Variants in DAGLA observed in about 807,000 individuals in gnomAD.
DAGLA encodes diacylglycerol lipase alpha.
DAGLA carries 22 observed loss-of-function variants against 102.6 expected under a neutral mutation model. The observed-to-expected ratio is 0.21, with a 90% CI of 0.15 to 0.31. The LOEUF is 0.31. Ranked by LOEUF, DAGLA falls within the 10% of genes least tolerant of loss-of-function variation. The probability of loss-of-function intolerance (pLI) is 1.00; values close to 1 mark genes in which losing one functional copy is unlikely to be tolerated. For missense variants in DAGLA, 927 were observed against 1,446.6 expected, an observed-to-expected ratio of 0.64 and a Z score of 5.83; for synonymous variants, 578 against 628.9, an observed-to-expected ratio of 0.92 and a Z score of 1.21.
chr11:61,696,818 G>A (rs1208301014), intron 1 of DAGLA, among the ~76,000 whole-genome samples: 1 of 152,200 alleles, frequency 6.6e-6, no homozygotes, highest in Non-Finnish European at 1.5e-5. Context: ...GTAGGGGGCT[G>A]GGGGAGGACT....
chr11:61,725,020 A>G (rs913290587), intron 5 of DAGLA, among the ~76,000 whole-genome samples: 1 of 152,088 alleles, frequency 6.6e-6, no homozygotes, highest in Non-Finnish European at 1.5e-5. Context: ...GGAGGAGCCA[A>G]GAGGCTCAAA....
At chr11:61,683,285 C>T (rs2064959755) in intron 1 of DAGLA, among the ~76,000 whole-genome samples, 1 of 152,190 alleles carries the variant, frequency 6.6e-6, no homozygotes, top group South Asian at 2.1e-4. Flanking sequence ...CTGACTTTTC[C>T]ATGCTATGGA....
intron 3 of DAGLA, among the ~76,000 whole-genome samples, chr11:61,721,117 T>TATTAAATAAGGTTATTAAATAA (rs2065278607): frequency 6.6e-6 from 1 of 152,200 alleles, no homozygotes; most frequent in Non-Finnish European, 1.5e-5. Context: ...GGTTTTAGGC[T>TATTAAATAAGGTTATTAAATAA]GGGTGTGGTG....
chr11:61,687,078 GGA>G (rs2064991261), intron 1 of DAGLA, among the ~76,000 whole-genome samples: 1 of 152,208 alleles, frequency 6.6e-6, no homozygotes, highest in African/African-American at 2.4e-5. Flanking sequence ...ACTGAACCCA[GGA>G]GAGTGTATAG....
intron 17 of DAGLA, among the ~76,000 whole-genome samples, chr11:61,740,212 G>A (rs2135607464): frequency 6.6e-6 from 1 of 152,360 alleles, no homozygotes; most frequent in East Asian, 1.9e-4. Flanking sequence ...GGTGGAGCAG[G>A]TGTGGCCCAG....
At chr11:61,713,815 A>T (rs1451591342) in intron 1 of DAGLA, among the ~76,000 whole-genome samples, 1 of 152,072 alleles carries the variant, frequency 6.6e-6, no homozygotes, top group Admixed American at 6.5e-5. Flanking sequence ...TCAGATGCCC[A>T]CCCCCAGACC....
intron 1 of DAGLA, among the ~76,000 whole-genome samples, chr11:61,688,136 G>A (rs1390359823): frequency 6.6e-6 from 1 of 152,012 alleles, no homozygotes; most frequent in African/African-American, 2.4e-5. Flanking sequence ...CTAACATGGT[G>A]AAACCCCGTC....
chr11:61,729,452 CCAGCCCAGGGCCCAGCACA>C (rs1324337698), intron 8 of DAGLA, among the ~76,000 whole-genome samples: 1 of 150,734 alleles, frequency 6.6e-6, no homozygotes, highest in East Asian at 1.9e-4. Flanking sequence ...TGGGAGAACC[CCAGCCCAGGGCCCAGCACA>C]CAGCCCAGGG....
chr11:61,738,080 C>G, intron 15 of DAGLA, 55 bp from the exon 16 acceptor site: 1 of 1,456,348 alleles, frequency 6.9e-7, no homozygotes, highest in East Asian at 2.3e-5. Context: ...GGCCCCATAC[C>G]TCTCATAGCC....
intron 1 of DAGLA, among the ~76,000 whole-genome samples, chr11:61,712,654 A>G (rs1443887166): frequency 2.6e-5 from 4 of 152,200 alleles, no homozygotes; most frequent in African/African-American, 7.2e-5. Flanking sequence ...GCACACACCC[A>G]GGTACAGGCT....
intron 1 of DAGLA, among the ~76,000 whole-genome samples, chr11:61,696,419 C>G (rs1032054356): frequency 7.9e-5 from 12 of 152,326 alleles, no homozygotes; most frequent in Non-Finnish European, 1.6e-4. Context: ...ACACCACCCC[C>G]ACTTCCCAGC....
intron 5 of DAGLA, 24 bp from the exon 6 acceptor site, chr11:61,725,971 C>T: frequency 1.9e-6 from 3 of 1,609,312 alleles, no homozygotes; most frequent in Non-Finnish European, 2.5e-6. Context: ...TGACCTCACA[C>T]ATACCGCCTC....
At chr11:61,720,484 C>G (rs1274306414) in intron 2 of DAGLA, among the ~76,000 whole-genome samples, 195 bp from the exon 3 acceptor site, 1 of 152,202 alleles carries the variant, frequency 6.6e-6, no homozygotes, top group Non-Finnish European at 1.5e-5. Context: ...CTCCCCATGG[C>G]TGACCCTGAG....
rs372099874 is a variant in DAGLA, at chr11:61,712,709, G to A, written c.-44-7403G>A. ...AGCCCACACGTGCTTTCTCTCCGTC[G>A]TCTCCCTTGTCACCTCTCCCCTCCT... On this transcript the variant is annotated intron_variant, in intron 1 of 19. Transcript: ENST00000257215. Among the ~76,000 whole-genome samples, 15 of 152,240 alleles carry A rather than the reference G, an allele frequency of 9.9e-5. No individual in the cohort carries two copies. The South Asian group carries it at 1.5e-3, about 15-fold the overall frequency.
chr11:61,686,889 G>A lies in DAGLA; in HGVS notation c.-45+6385G>A, dbSNP rs892853412. On this transcript the variant is annotated intron_variant, in intron 1 of 19. Transcript: ENST00000257215. This position sits in a 1 kb window ranked among gnomAD's most constrained non-coding sequence, Gnocchi z 5.2. Reference sequence around the variant, plus strand: ...CTGCTCCTGATGGGCAGGCCACACCGTGGAGTGGGCTCCCTGGGGCTGCAC... The same window carrying A: ...CTGCTCCTGATGGGCAGGCCACACCATGGAGTGGGCTCCCTGGGGCTGCAC... Among the ~76,000 whole-genome samples, 6 of 152,138 alleles carry A rather than the reference G, an allele frequency of 3.9e-5. No individual in the cohort carries two copies. In the South Asian group the frequency reaches 6.2e-4, roughly 16 times the overall value.
At chr11:61,713,964 C>T (rs959480099) in intron 1 of DAGLA, among the ~76,000 whole-genome samples, 2 of 152,194 alleles carry the variant, frequency 1.3e-5, no homozygotes, top group South Asian at 2.1e-4. Flanking sequence ...GAATCCCATT[C>T]GTCATGGAAA....
intron 6 of DAGLA, 91 bp from the exon 7 acceptor site, chr11:61,728,062 G>T: frequency 6.7e-7 from 1 of 1,481,570 alleles, no homozygotes; most frequent in South Asian, 1.2e-5. Flanking sequence ...ACCTGCTTCT[G>T]CAGCCTCCCA....
rs753729131 is a variant in DAGLA, at chr11:61,738,198, CAA to C, written c.1648_1649del (p.Lys550AlafsTer20). On this transcript the variant is annotated frameshift_variant, in exon 16 of 20. Coordinates refer to ENST00000257215, the MANE Select transcript of DAGLA (RefSeq NM_006133.3). LOFTEE classifies it high-confidence loss of function. ...QLLDVLQRST[K>X]PKWRIIVGAT... ...TCCTGGATGTCCTGCAGCGAAGCAC[CAA>C]GCCCAAAGTGAGCCCCCACCTGGGC... The C allele has an allele frequency of 6.2e-7, 1 of 1,612,700 alleles. No individual in the cohort carries two copies. The highest frequency in any genetic ancestry group is 8.5e-7 in the Non-Finnish European group (1 of 1,179,868).
intron 1 of DAGLA, among the ~76,000 whole-genome samples, chr11:61,688,796 T>G (rs1394725971): frequency 6.6e-6 from 1 of 152,176 alleles, no homozygotes; most frequent in East Asian, 1.9e-4. Flanking sequence ...CGGAAAGCCT[T>G]GTGAGGAGGT....
Sources: gnomAD v4.1 joint callset for allele counts (sites outside exome capture counted in the v4.1 genomes callset) on GRCh38, gnomAD v4.1.1 for gene constraint, Gnocchi (gnomAD v3.1) non-coding constraint, MANE v1.5 for transcripts, NCBI Gene and HGNC (gene_info 2026-07-23, HGNC 2026-07-21) for gene names.